Variants in AP3B1 observed in about 807,000 individuals in gnomAD.
AP3B1 encodes the protein AP-3 complex subunit beta-1.
A neutral mutation model predicts 132.5 loss-of-function variants in AP3B1; 61 were observed. That is an observed-to-expected ratio of 0.46 (90% CI 0.37 to 0.57). The LOEUF (loss-of-function observed/expected upper bound fraction) is 0.57, where lower values mean the gene tolerates loss of function less well. Ranked by LOEUF, AP3B1 falls within the 20% of genes least tolerant of loss-of-function variation. AP3B1 has a pLI of 0.00. For missense variants in AP3B1, 1,120 were observed against 1,289.4 expected, an observed-to-expected ratio of 0.87 and a Z score of 2.01; for synonymous variants, 388 against 438.3, an observed-to-expected ratio of 0.89 and a Z score of 1.43.
chr5:78,115,185 C>T (rs915262041), intron 18 of AP3B1, among the ~76,000 whole-genome samples: 1 of 152,084 alleles, frequency 6.6e-6, no homozygotes, highest in African/African-American at 2.4e-5. Flanking sequence ...CTGGCTTATG[C>T]TATAAACAAT....
chr5:78,239,778 CAAAAAA>C (rs560151932), intron 3 of AP3B1, among the ~76,000 whole-genome samples: 1 of 77,356 alleles, frequency 1.3e-5, no homozygotes, highest in Non-Finnish European at 2.5e-5. Flanking sequence ...GACTCTGTCT[CAAAAAA>C]AAAAAAAAAA....
intron 7 of AP3B1, among the ~76,000 whole-genome samples, chr5:78,192,212 A>G (rs1272128996): frequency 6.6e-6 from 1 of 152,132 alleles, no homozygotes; most frequent in East Asian, 1.9e-4. Flanking sequence ...GCATACAAGA[A>G]AAAAAGACAA....
At chr5:78,147,878 A>G (rs2112339859) in intron 14 of AP3B1, among the ~76,000 whole-genome samples, 1 of 152,262 alleles carries the variant, frequency 6.6e-6, no homozygotes, top group South Asian at 2.1e-4. Context: ...TACTAAAAAC[A>G]CAAAAATTAT....
rs565599674 is a variant in AP3B1, at chr5:78,177,884, C to A, written c.943-448G>T. Among the ~76,000 whole-genome samples the A allele has an allele frequency of 7.9e-5, 12 of 152,264 alleles. No individual in the cohort carries two copies. In the South Asian group the frequency reaches 2.5e-3, roughly 32 times the overall value. On this transcript the variant is annotated intron_variant, in intron 8 of 26. Transcript: ENST00000255194. Reference sequence around the variant, plus strand: ...TCTCCCTCAGAGCGTACAGAAGTAACCAATACTGATTATACCTTGATTTCA... The same window carrying A: ...TCTCCCTCAGAGCGTACAGAAGTAAACAATACTGATTATACCTTGATTTCA...
intron 16 of AP3B1, 31 bp from the exon 17 acceptor site, chr5:78,128,191 A>G (rs760174688): frequency 6.5e-7 from 1 of 1,534,486 alleles, no homozygotes; most frequent in South Asian, 1.1e-5. Flanking sequence ...TATAAAATAA[A>G]CAATATGAGC....
chr5:78,017,710 T>C (rs1289280283), intron 25 of AP3B1, among the ~76,000 whole-genome samples: 1 of 151,980 alleles, frequency 6.6e-6, no homozygotes, highest in Non-Finnish European at 1.5e-5. Context: ...GAAAGAAAAA[T>C]AGGCAAAGGT....
At chr5:78,060,125 A>AT (rs1351236563) in intron 22 of AP3B1, among the ~76,000 whole-genome samples, 2 of 152,212 alleles carry the variant, frequency 1.3e-5, no homozygotes, top group Non-Finnish European at 2.9e-5. Context: ...AAAATGTGCT[A>AT]TTTTTGTCTA....
chr5:78,182,660 A>T (rs1744419981), intron 7 of AP3B1, among the ~76,000 whole-genome samples: 1 of 152,188 alleles, frequency 6.6e-6, no homozygotes, highest in Non-Finnish European at 1.5e-5. Flanking sequence ...GGACCAGGAA[A>T]GGGGCAGTCT....
chr5:78,197,331 C>T (rs1745115697), intron 7 of AP3B1, among the ~76,000 whole-genome samples: 1 of 151,728 alleles, frequency 6.6e-6, no homozygotes, highest in African/African-American at 2.4e-5. Context: ...TGCTCTAAAA[C>T]ATTCACTTTC....
At chr5:78,122,208 G>C (rs991644887) in intron 17 of AP3B1, among the ~76,000 whole-genome samples, 27 of 152,054 alleles carry the variant, frequency 1.8e-4, no homozygotes, top group Non-Finnish European at 3.1e-4. Context: ...AAAATAATAA[G>C]AGCTATCTAT....
intron 1 of AP3B1, among the ~76,000 whole-genome samples, chr5:78,283,586 T>C (rs866101551): frequency 6.6e-6 from 1 of 152,200 alleles, no homozygotes; most frequent in African/African-American, 2.4e-5. Context: ...ATGTCATCAA[T>C]TAATGACTCC....
intron 25 of AP3B1, among the ~76,000 whole-genome samples, chr5:78,018,789 C>T (rs548338038): frequency 1.3e-5 from 2 of 151,762 alleles, no homozygotes; most frequent in Admixed American, 6.6e-5. Context: ...TAGGCTTTTC[C>T]GTTAGTGAGA....
chr5:78,032,897 T>G (rs1747640878), intron 24 of AP3B1, among the ~76,000 whole-genome samples: 1 of 151,936 alleles, frequency 6.6e-6, no homozygotes, highest in Non-Finnish European at 1.5e-5. Context: ...TGGCATAAGA[T>G]AAAAATCAAA....
chr5:78,020,034 G>GA (rs993890580), intron 25 of AP3B1, among the ~76,000 whole-genome samples: 2 of 151,222 alleles, frequency 1.3e-5, no homozygotes, highest in African/African-American at 4.9e-5. Flanking sequence ...ATTCACATAC[G>GA]AAAAAAAACC....
chr5:78,163,316 T>A (rs1743464322), intron 12 of AP3B1, among the ~76,000 whole-genome samples: 2 of 151,860 alleles, frequency 1.3e-5, no homozygotes, highest in African/African-American at 2.4e-5. Context: ...ACCAGCAGCA[T>A]CTGTGAATCT....
chr5:78,041,409 A>G (rs1482499405), intron 22 of AP3B1, among the ~76,000 whole-genome samples: 1 of 151,948 alleles, frequency 6.6e-6, no homozygotes, highest in Non-Finnish European at 1.5e-5. Context: ...AATGTAAAAA[A>G]TTAGCTGGGT....
intron 20 of AP3B1, among the ~76,000 whole-genome samples, chr5:78,103,985 A>T (rs1334942912): frequency 6.6e-6 from 1 of 152,148 alleles, no homozygotes; most frequent in Non-Finnish European, 1.5e-5. Context: ...AGCAAAAAAG[A>T]TCTGACATGA....
chr5:78,015,557 G>A lies in AP3B1; in HGVS notation c.2993-9C>T. 6.2e-7 allele frequency: 1 copy of A among 1,612,890 alleles called. No homozygotes were observed. The highest frequency in any genetic ancestry group is 1.7e-5 in the Admixed American group (1 of 59,980). The stretch of plus-strand genomic sequence containing the variant: ...CATTCCTGTTAGCACTCCTGTAAAA[G>A]CAAAAGAAGGCTCCCTTTTATTAAT... On this transcript the variant is annotated splice_polypyrimidine_tract_variant and intron_variant, in intron 25 of 26. Transcript: ENST00000255194.
intron 1 of AP3B1, among the ~76,000 whole-genome samples, chr5:78,277,007 T>C (rs1748809315): frequency 6.6e-6 from 1 of 152,060 alleles, no homozygotes; most frequent in Non-Finnish European, 1.5e-5. Context: ...AAAGTACAAG[T>C]AATAAAATAA....
Sources: gnomAD v4.1 joint callset for allele counts (sites outside exome capture counted in the v4.1 genomes callset) on GRCh38, gnomAD v4.1.1 for gene constraint, MANE v1.5 for transcripts, NCBI Gene and HGNC (gene_info 2026-07-23, HGNC 2026-07-21) for gene names.